The following CUX1 variants were observed in gnomAD, a reference collection of about 807,000 sequenced individuals.
CUX1 encodes the protein cut like homeobox 1, also known as protein CASP.
CUX1 carries 31 observed loss-of-function variants against 158.8 expected under a neutral mutation model. The observed-to-expected ratio is 0.20, with a 90% CI of 0.15 to 0.26. The LOEUF (loss-of-function observed/expected upper bound fraction) is 0.26. CUX1 is among the 10% of genes least tolerant of loss of function. CUX1 has a pLI of 1.00. For missense variants in CUX1, 1,589 were observed against 2,014.6 expected (o/e 0.79, Z 4.04); for synonymous variants, 879 against 862.1 (o/e 1.02, Z -0.34).
chr7:102,059,557 G>A lies in CUX1; in HGVS notation c.190-10782G>A, dbSNP rs375155147. ...TAAGGCAGGAGAATCACTTGAACCC[G>A]GGAGGTGGAGGTTGCAGTGAGCTGA... is the stretch of plus-strand genomic sequence containing the variant. On this transcript the variant is annotated intron_variant, in intron 3 of 23. Coordinates refer to ENST00000292535, the MANE Select transcript of CUX1 (RefSeq NM_181552.4). Among the ~76,000 whole-genome samples the A allele has an allele frequency of 2.2e-4, 34 of 151,494 alleles. 1 individual carries two copies. In the East Asian group the frequency reaches 3.1e-3, roughly 14 times the overall value.
chr7:102,236,360 TG>T (rs139043170), intron 22 of CUX1, among the ~76,000 whole-genome samples: 16,726 of 152,316 alleles, frequency 0.11, 1,441 homozygotes, highest in African/African-American at 0.23. Context: ...CCATGCCTCT[TG>T]GGCAGCCCCA....
chr7:101,914,292 C>T (rs1238522929), intron 1 of CUX1, among the ~76,000 whole-genome samples: 1 of 151,608 alleles, frequency 6.6e-6, no homozygotes, highest in African/African-American at 2.4e-5. Flanking sequence ...GTTTTATTGT[C>T]GTTGTTGTTT....
chr7:102,013,016 T>TA (rs1429832909), intron 2 of CUX1, among the ~76,000 whole-genome samples: 2 of 152,014 alleles, frequency 1.3e-5, no homozygotes, highest in Non-Finnish European at 2.9e-5. Context: ...CGGTAATCCT[T>TA]ACGGCCCTGT....
At chr7:101,817,471 G>T (rs1352158927), upstream of CUX1, 5 of 1,078,462 alleles carry the variant, frequency 4.6e-6, no homozygotes, top group African/African-American at 1.7e-5. The surrounding 1 kb of genome is among the most constrained non-coding windows in gnomAD (Gnocchi z 4.1). Flanking sequence ...CGCCGCGGGG[G>T]GACCGTGCCG....
Position 102,239,520 on chromosome 7 carries a change from G to A in CUX1, c.3823G>A (p.Glu1275Lys). ...QKPYPSPKTI[E>K]DLATQLNLKT... ...GCCATACCCGTCACCAAAAACCATC[G>A]AAGACCTCGCCACCCAGCTCAACCT... The change falls in exon 23 of 24, where the codon GAA (glutamate) becomes AAA (lysine). Residue 1275 changes from glutamate (E) to lysine (K), a missense_variant. By Grantham distance (56) the Glu-to-Lys change is moderately conservative. This residue lies in a region of CUX1 where 259 missense variants were observed against 373.8 expected (regional missense o/e 0.69). Transcript: ENST00000292535. 1 of 1,614,102 alleles carries A rather than the reference G, an allele frequency of 6.2e-7. No individual in the cohort carries two copies. Among genetic ancestry groups the A allele is most frequent in the Non-Finnish European group, 8.5e-7 (1 of 1,179,976 alleles).
At chr7:102,074,935 T>C (rs960435932) in intron 4 of CUX1, among the ~76,000 whole-genome samples, 1 of 152,234 alleles carries the variant, frequency 6.6e-6, no homozygotes, top group Non-Finnish European at 1.5e-5. Context: ...CTCCGCACAC[T>C]GCAACCTCTG....
Position 101,928,827 on chromosome 7 carries a change from C to A in CUX1, c.141+12602C>A, listed in dbSNP as rs961176943. ...CTGGGACTACAGGCGCCCGCCACTACGCCCGGCTAATTTTTTGTATTTTTA... is the reference window on the plus strand; with the variant it reads ...CTGGGACTACAGGCGCCCGCCACTAAGCCCGGCTAATTTTTTGTATTTTTA... On this transcript the variant is annotated intron_variant, in intron 2 of 23. Coordinates refer to ENST00000292535, the MANE Select transcript of CUX1 (RefSeq NM_181552.4). Among the ~76,000 whole-genome samples the A allele has an allele frequency of 3.3e-5, 5 of 151,584 alleles. No homozygotes were observed. The South Asian group carries it at 8.3e-4, about 25-fold the overall frequency.
chr7:101,983,773 G>T (rs1384813481), intron 2 of CUX1, among the ~76,000 whole-genome samples: 1 of 151,928 alleles, frequency 6.6e-6, no homozygotes, highest in Admixed American at 6.6e-5. Context: ...ATTACCAGGA[G>T]GTGGGCACCA....
chr7:101,817,014 G>A, upstream of CUX1: 1 of 984,362 alleles, frequency 1.0e-6, no homozygotes, highest in Non-Finnish European at 1.2e-6. The surrounding 1 kb of genome is among the most constrained non-coding windows in gnomAD (Gnocchi z 4.1). Flanking sequence ...TCGGTGACGC[G>A]GACCTGTTCC....
chr7:102,211,778 TAAAAAAA>T (rs66627422), intron 20 of CUX1, among the ~76,000 whole-genome samples: 1 of 77,474 alleles, frequency 1.3e-5, no homozygotes. Flanking sequence ...AAACTCCATC[TAAAAAAA>T]AAAAAAAAAA....
chr7:101,976,355 C>G lies in CUX1; in HGVS notation c.142-51743C>G, dbSNP rs571914188. On this transcript the variant is annotated intron_variant, in intron 2 of 23. Coordinates refer to ENST00000292535, the MANE Select transcript of CUX1 (RefSeq NM_181552.4). The stretch of plus-strand genomic sequence containing the variant: ...TCTGTTTTTTCCCCCAGGCAGATAG[C>G]TCATTTTCCCAATGCAATATTCCTT... 2.0e-4 allele frequency among the ~76,000 whole-genome samples: 31 copies of G among 152,272 alleles called. 1 individual carries two copies. Among genetic ancestry groups the G allele is most frequent in the Admixed American group, 2.0e-3 (30 of 15,294 alleles).
At chr7:102,077,078 T>C (rs1826825884) in intron 4 of CUX1, among the ~76,000 whole-genome samples, 1 of 151,042 alleles carries the variant, frequency 6.6e-6, no homozygotes, top group Non-Finnish European at 1.5e-5. Flanking sequence ...GAAAAAGTAA[T>C]TGCACAAATA....
chr7:102,071,799 C>A (rs1241041753), intron 4 of CUX1, among the ~76,000 whole-genome samples: 14 of 152,206 alleles, frequency 9.2e-5, no homozygotes, highest in Admixed American at 9.2e-4. Flanking sequence ...CCAGATTCTC[C>A]TTCCCTGGAT....
chr7:102,025,086 G>A (rs1195537844), intron 2 of CUX1, among the ~76,000 whole-genome samples: 8 of 152,048 alleles, frequency 5.3e-5, no homozygotes, highest in South Asian at 2.1e-4. Context: ...CGACCTCTGC[G>A]TCGGTCCTCA....
At chr7:102,152,133 G>A (rs575105080) in intron 8 of CUX1, among the ~76,000 whole-genome samples, 1 of 152,256 alleles carries the variant, frequency 6.6e-6, no homozygotes, top group East Asian at 1.9e-4. Flanking sequence ...TTTGAGTTCA[G>A]GAGTTTAAGA....
chr7:101,924,953 C>T (rs1805410310), intron 2 of CUX1, among the ~76,000 whole-genome samples: 1 of 152,174 alleles, frequency 6.6e-6, no homozygotes, highest in South Asian at 2.1e-4. Flanking sequence ...CCACTGGACT[C>T]TCAACTCTTC....
chr7:102,195,129 AAAAG>A (rs1586153962), intron 13 of CUX1, among the ~76,000 whole-genome samples: 1 of 151,840 alleles, frequency 6.6e-6, no homozygotes, highest in African/African-American at 2.4e-5. Context: ...AAAAAAAAAA[AAAAG>A]AAAAGTTCCC....
chr7:101,943,341 A>G (rs1443103274), intron 2 of CUX1, among the ~76,000 whole-genome samples: 1 of 151,938 alleles, frequency 6.6e-6, no homozygotes, highest in Non-Finnish European at 1.5e-5. Flanking sequence ...TCCTGAGCTC[A>G]AGTGATCCAC....
chr7:102,041,292 GTC>G (rs1822060858), intron 3 of CUX1, among the ~76,000 whole-genome samples: 1 of 105,302 alleles, frequency 9.5e-6, no homozygotes, highest in Non-Finnish European at 1.7e-5. Flanking sequence ...TTGAAATAGA[GTC>G]TCTCTGTGTC....
Sources: allele counts gnomAD v4.1 joint callset (sites outside exome capture counted in the v4.1 genomes callset), GRCh38; gene constraint gnomAD v4.1.1; regional missense constraint gnomAD v4.1.1; non-coding constraint Gnocchi (gnomAD v3.1); transcripts MANE v1.5; gene names NCBI Gene and HGNC (gene_info 2026-07-23, HGNC 2026-07-21).